The following ANKRD62 variants were observed in gnomAD, a reference collection of about 807,000 sequenced individuals.
The protein encoded by ANKRD62 is ankyrin repeat domain 62, also known as ankyrin repeat domain-containing protein 62.
ANKRD62 carries 61 observed loss-of-function variants against 98.8 expected under a neutral mutation model. That is an observed-to-expected ratio of 0.62 (90% CI 0.50 to 0.76). The LOEUF (loss-of-function observed/expected upper bound fraction) is 0.76, where lower values mean the gene tolerates loss of function less well. ANKRD62 is among the 30% of genes least tolerant of loss of function. The probability of loss-of-function intolerance (pLI) is 0.00; values close to 1 mark genes in which losing one functional copy is unlikely to be tolerated. For synonymous variants in ANKRD62, 341 were observed against 367.9 expected (o/e 0.93, Z 0.84); for missense variants, 933 against 1,082.9 (o/e 0.86, Z 1.94).
chr18:12,139,454 C>T, the ANKRD62 span, among the ~76,000 whole-genome samples: 1 of 152,104 alleles, frequency 6.6e-6, no homozygotes, highest in South Asian at 2.1e-4. Context: ...ACCATCCTGG[C>T]TAACATGGTG....
the ANKRD62 span, among the ~76,000 whole-genome samples, chr18:12,153,594 A>G: frequency 7.2e-4 from 86 of 118,668 alleles, no homozygotes; most frequent in South Asian, 2.8e-3. Context: ...TCTGCCTGGG[A>G]AAAAAAAAAA....
At chr18:12,121,285 A>G (rs762711974) in intron 10 of ANKRD62, among the ~76,000 whole-genome samples, 2 of 152,092 alleles carry the variant, frequency 1.3e-5, no homozygotes, top group Non-Finnish European at 2.9e-5. Flanking sequence ...ATTTTGAGTA[A>G]TTTGCCACTC....
At chr18:12,114,998 C>T in intron 8 of ANKRD62, 90 bp from the exon 9 acceptor site, 1 of 986,702 alleles carries the variant, frequency 1.0e-6, no homozygotes. Context: ...ACTACAAACA[C>T]AGAGATTTTA....
At chr18:12,174,358 A>G in the ANKRD62 span, among the ~76,000 whole-genome samples, 2 of 152,190 alleles carry the variant, frequency 1.3e-5, no homozygotes, top group South Asian at 4.1e-4. Context: ...GGTCAGTTAC[A>G]TTCTTTTCTA....
the ANKRD62 span, among the ~76,000 whole-genome samples, chr18:12,164,087 A>G: frequency 1.3e-5 from 2 of 151,882 alleles, no homozygotes; most frequent in Admixed American, 1.3e-4. Flanking sequence ...ATTGGTATTA[A>G]TTCTTTAAAT....
the ANKRD62 span, among the ~76,000 whole-genome samples, chr18:12,175,392 C>T: frequency 6.6e-6 from 1 of 152,108 alleles, no homozygotes; most frequent in Non-Finnish European, 1.5e-5. Flanking sequence ...GCTGACTGCA[C>T]TCTTGCTGCA....
chr18:12,112,110 T>TGAAAAAAAAAAAAAAAAAAAAAAA (rs1318094455), intron 8 of ANKRD62, among the ~76,000 whole-genome samples: 1 of 81,870 alleles, frequency 1.2e-5, no homozygotes, highest in Admixed American at 1.5e-4. Context: ...AGACTCCAAC[T>TGAAAAAAAAAAAAAAAAAAAAAAA]CAAAAAAAAA....
At chr18:12,116,327 G>T (rs1313553087) in intron 10 of ANKRD62, among the ~76,000 whole-genome samples, 1 of 152,146 alleles carries the variant, frequency 6.6e-6, no homozygotes, top group Non-Finnish European at 1.5e-5. Flanking sequence ...TTACTGTGTT[G>T]TCACACTAAG....
At chr18:12,152,243 A>C in the ANKRD62 span, among the ~76,000 whole-genome samples, 1 of 150,262 alleles carries the variant, frequency 6.7e-6, no homozygotes, top group Non-Finnish European at 1.5e-5. Context: ...CTATGAGGCC[A>C]GCATTCTCCT....
intron 8 of ANKRD62, among the ~76,000 whole-genome samples, chr18:12,108,917 A>G (rs1480681822): frequency 6.6e-6 from 1 of 152,246 alleles, no homozygotes; most frequent in East Asian, 1.9e-4. Flanking sequence ...GGGCACACTG[A>G]TGCAAAATGT....
chr18:12,153,306 A>C, the ANKRD62 span, among the ~76,000 whole-genome samples: 1 of 152,266 alleles, frequency 6.6e-6, no homozygotes, highest in East Asian at 1.9e-4. Flanking sequence ...ACTAGAAAAA[A>C]CGGGCCAGGC....
intron 10 of ANKRD62, among the ~76,000 whole-genome samples, chr18:12,120,019 GT>G (rs1439292863): frequency 6.6e-6 from 1 of 151,820 alleles, no homozygotes; most frequent in African/African-American, 2.4e-5. Flanking sequence ...TTTGTTATTG[GT>G]TTCTAATATC....
At chr18:12,145,456 T>C in the ANKRD62 span, among the ~76,000 whole-genome samples, 13 of 152,250 alleles carry the variant, frequency 8.5e-5, no homozygotes, top group Non-Finnish European at 1.5e-4. Flanking sequence ...AACGAGGGGC[T>C]GTTTTGCAAA....
chr18:12,139,517 G>A, the ANKRD62 span, among the ~76,000 whole-genome samples: 11 of 152,158 alleles, frequency 7.2e-5, no homozygotes, highest in African/African-American at 2.7e-4. Flanking sequence ...GTGGTGGCAG[G>A]CACCTGTAGT....
chr18:12,112,373 A>G (rs940750111), intron 8 of ANKRD62, among the ~76,000 whole-genome samples: 4 of 152,166 alleles, frequency 2.6e-5, no homozygotes, highest in Non-Finnish European at 5.9e-5. Context: ...AAACAGACAC[A>G]TGGACCAGTT....
the ANKRD62 span, among the ~76,000 whole-genome samples, chr18:12,171,372 G>A: frequency 6.6e-6 from 1 of 152,132 alleles, no homozygotes; most frequent in Non-Finnish European, 1.5e-5. Flanking sequence ...CTCTGTAAAG[G>A]ATTTTATTTC....
At chr18:12,131,711 G>C (rs1910007584), downstream of ANKRD62, among the ~76,000 whole-genome samples, 1 of 147,970 alleles carries the variant, frequency 6.8e-6, no homozygotes, top group Non-Finnish European at 1.5e-5. Context: ...TATTTTAAGA[G>C]AGAGAGAGAG....
chr18:12,119,860 T>C (rs1909748241), intron 10 of ANKRD62, among the ~76,000 whole-genome samples: 1 of 152,142 alleles, frequency 6.6e-6, no homozygotes, highest in South Asian at 2.1e-4. Flanking sequence ...TTAAGTGCAG[T>C]TGTTGCTGCA....
chr18:12,163,831 T>C, the ANKRD62 span, among the ~76,000 whole-genome samples: 1 of 152,114 alleles, frequency 6.6e-6, no homozygotes, highest in Non-Finnish European at 1.5e-5. Context: ...GATTTGCATA[T>C]GTTGAACCAT....
Sources: allele counts gnomAD v4.1 joint callset (sites outside exome capture counted in the v4.1 genomes callset), GRCh38; gene constraint gnomAD v4.1.1; transcripts MANE v1.5; gene names NCBI Gene and HGNC (gene_info 2026-07-23, HGNC 2026-07-21).